The following RBMS3 variants were observed in gnomAD, a reference collection of about 807,000 sequenced individuals.
RBMS3 encodes RNA-binding motif, single-stranded-interacting protein 3.
A neutral mutation model predicts 66.8 loss-of-function variants in RBMS3; 27 were observed. The ratio of observed to expected loss-of-function variants is 0.40; its 90% CI spans 0.30 to 0.56. The LOEUF (loss-of-function observed/expected upper bound fraction) is 0.56, where lower values mean the gene tolerates loss of function less well. RBMS3 is among the 20% of genes least tolerant of loss of function. RBMS3 has a pLI of 0.40. For missense variants in RBMS3, 513 were observed against 549.5 expected (o/e 0.93, Z 0.66); for synonymous variants, 188 against 183.0 (o/e 1.03, Z -0.22).
chr3:29,706,209 C>T (rs775268054), intron 4 of RBMS3, among the ~76,000 whole-genome samples: 23 of 152,166 alleles, frequency 1.5e-4, no homozygotes, highest in Non-Finnish European at 3.1e-4. Context: ...ATGAAAATCC[C>T]CTTCACAAAG....
In RBMS3 at chr3:29,350,033, G is replaced by A. The variant is rs2036810740; in HGVS notation, c.75+68277G>A. Among the ~76,000 whole-genome samples, 3 of 151,968 alleles carry A rather than the reference G, an allele frequency of 2.0e-5. No homozygotes were observed. The South Asian group carries it at 6.2e-4, about 31-fold the overall frequency. ...AAATTAGCTGGGCATGGTGGCACAT[G>A]CCTGTAATCCCAGCTACTCGGGCGG... On this transcript the variant is annotated intron_variant, in intron 1 of 14. Transcript: ENST00000383767.
chr3:30,005,196 CA>C lies in RBMS3; in HGVS notation c.*1345del, dbSNP rs34447631. On this transcript the variant is annotated 3_prime_UTR_variant, in exon 15 of 15. Coordinates refer to ENST00000383767, the MANE Select transcript of RBMS3 (RefSeq NM_001003793.3). ...CCTTCCACTGGTGTTTTACATAGTG[CA>C]AAAAAAAAAAGAGGGTGGGGGGAGT... 0.69 allele frequency: 102,327 copies of C among 147,774 alleles called. 36,059 individuals are homozygous for C. Among genetic ancestry groups the C allele is most frequent in the African/African-American group, 0.84 (34,305 of 40,694 alleles). 9.2% of individuals were successfully genotyped at this position (147,774 alleles called of 1,614,324 possible).
chr3:29,452,141 G>A (rs2042037492), intron 2 of RBMS3, among the ~76,000 whole-genome samples: 1 of 152,162 alleles, frequency 6.6e-6, no homozygotes, highest in African/African-American at 2.4e-5. Flanking sequence ...TGTGTAAGAA[G>A]CTCGTAGTCT....
intron 1 of RBMS3, among the ~76,000 whole-genome samples, chr3:29,424,818 T>C (rs1205504824): frequency 6.6e-6 from 1 of 152,190 alleles, no homozygotes; most frequent in Non-Finnish European, 1.5e-5. Flanking sequence ...TTGGTTAATA[T>C]GGAAACTAGT....
At chr3:30,002,425 A>T (rs2125404566) in intron 14 of RBMS3, among the ~76,000 whole-genome samples, 1 of 152,022 alleles carries the variant, frequency 6.6e-6, no homozygotes, top group Middle Eastern at 3.4e-3. Context: ...CTATATAACC[A>T]AGAAAAAAAA....
chr3:29,481,548 G>A (rs768739182), intron 2 of RBMS3, among the ~76,000 whole-genome samples: 2 of 152,162 alleles, frequency 1.3e-5, no homozygotes, highest in African/African-American at 2.4e-5. Context: ...TACTGAAGTA[G>A]AGCGGTGGAT....
At chr3:29,524,752 G>C (rs911481409) in intron 3 of RBMS3, among the ~76,000 whole-genome samples, 57 of 151,966 alleles carry the variant, frequency 3.8e-4, no homozygotes, top group African/African-American at 1.3e-3. Flanking sequence ...CCTACATTCT[G>C]AAAAAATGAC....
In RBMS3 at chr3:29,952,550, T is replaced by C. The variant is rs566748675; in HGVS notation, c.1098+8296T>C. 5.9e-5 allele frequency among the ~76,000 whole-genome samples: 9 copies of C among 151,966 alleles called. No homozygotes were observed. In the South Asian group the frequency reaches 1.7e-3, roughly 28 times the overall value. On this transcript the variant is annotated intron_variant, in intron 12 of 14. Coordinates refer to ENST00000383767, the MANE Select transcript of RBMS3 (RefSeq NM_001003793.3). ...TTTTAATTACATATTATGTCTAACT[T>C]CTGCAACTTAGACTACTACTATATA... is the stretch of plus-strand genomic sequence containing the variant.
chr3:29,585,885 G>T lies in RBMS3; in HGVS notation c.308-1229G>T, dbSNP rs182113525. On this transcript the variant is annotated intron_variant, in intron 3 of 14. Transcript: ENST00000383767. Reference sequence around the variant, plus strand: ...TTTACAGTACACTGCTGTGTAACAAGTTCATTTTACGATAACATGCTGGGA... The same window carrying T: ...TTTACAGTACACTGCTGTGTAACAATTTCATTTTACGATAACATGCTGGGA... Among the ~76,000 whole-genome samples the T allele has an allele frequency of 4.0e-3, 614 of 152,116 alleles. 3 individuals are homozygous for T. The highest frequency in any genetic ancestry group is 7.7e-3 in the Non-Finnish European group (522 of 67,958).
intron 6 of RBMS3, among the ~76,000 whole-genome samples, chr3:29,806,205 AC>A (rs1487786388): frequency 6.6e-6 from 1 of 152,006 alleles, no homozygotes; most frequent in Non-Finnish European, 1.5e-5. Context: ...AAGAACCCAG[AC>A]AAAAAGTAAA....
intron 1 of RBMS3, among the ~76,000 whole-genome samples, chr3:29,314,465 G>A (rs185854480): frequency 6.6e-6 from 1 of 151,846 alleles, no homozygotes; most frequent in African/African-American, 2.4e-5. Flanking sequence ...TGTAGAGTCA[G>A]TGTGGCTCCA....
chr3:29,302,974 A>G (rs2033780562), intron 1 of RBMS3, among the ~76,000 whole-genome samples: 2 of 151,950 alleles, frequency 1.3e-5, no homozygotes, highest in Admixed American at 1.3e-4. Flanking sequence ...CCTTAGTCTC[A>G]TATGAATTAA....
chr3:29,674,222 C>T (rs999391130), intron 4 of RBMS3, among the ~76,000 whole-genome samples: 1 of 152,142 alleles, frequency 6.6e-6, no homozygotes, highest in Non-Finnish European at 1.5e-5. Context: ...GCTAAAAACT[C>T]TCAGTAAACT....
chr3:29,685,357 A>G (rs2051684806), intron 4 of RBMS3, among the ~76,000 whole-genome samples: 1 of 152,178 alleles, frequency 6.6e-6, no homozygotes, highest in Non-Finnish European at 1.5e-5. Flanking sequence ...TGCAGCGCCC[A>G]GCCCGGTAAA....
chr3:29,939,364 T>C (rs1363014607), intron 11 of RBMS3, among the ~76,000 whole-genome samples: 1 of 151,962 alleles, frequency 6.6e-6, no homozygotes, highest in East Asian at 1.9e-4. Flanking sequence ...AATAATACTA[T>C]CTCTGCCTGA....
intron 2 of RBMS3, among the ~76,000 whole-genome samples, chr3:29,438,824 T>C (rs2125733368): frequency 6.6e-6 from 1 of 152,252 alleles, no homozygotes; most frequent in Non-Finnish European, 1.5e-5. Context: ...AGGAGAAATA[T>C]TATATTCTAC....
intron 4 of RBMS3, among the ~76,000 whole-genome samples, chr3:29,611,640 G>A (rs2048496373): frequency 6.6e-6 from 1 of 151,948 alleles, no homozygotes; most frequent in Non-Finnish European, 1.5e-5. Flanking sequence ...AATGGATAAA[G>A]CCAGAGGGCA....
intron 4 of RBMS3, among the ~76,000 whole-genome samples, chr3:29,649,275 C>G (rs1243845977): frequency 6.6e-6 from 1 of 152,106 alleles, no homozygotes; most frequent in South Asian, 2.1e-4. Flanking sequence ...AAGAAAGTTT[C>G]CCTTAAGAAT....
intron 5 of RBMS3, among the ~76,000 whole-genome samples, chr3:29,756,053 G>A (rs922253823): frequency 7.9e-5 from 12 of 152,124 alleles, no homozygotes; most frequent in Non-Finnish European, 1.6e-4. Context: ...AGCTTGGTAG[G>A]AATAATGGCA....
Sources: gnomAD v4.1 joint callset for allele counts (sites outside exome capture counted in the v4.1 genomes callset) on GRCh38, gnomAD v4.1.1 for gene constraint, MANE v1.5 for transcripts, NCBI Gene and HGNC (gene_info 2026-07-23, HGNC 2026-07-21) for gene names.